Variants in CNST observed in about 807,000 individuals in gnomAD.
The protein encoded by CNST is consortin.
Under a neutral mutation model 72.4 loss-of-function variants are expected in CNST, and 39 were observed. The ratio of observed to expected loss-of-function variants is 0.54; its 90% CI spans 0.42 to 0.70. CNST has a LOEUF of 0.70. Ranked by LOEUF, CNST falls within the 30% of genes least tolerant of loss-of-function variation. The probability of loss-of-function intolerance (pLI) is 0.00; values close to 1 mark genes in which losing one functional copy is unlikely to be tolerated. For missense variants in CNST, 871 were observed against 868.5 expected, an observed-to-expected ratio of 1.00 and a Z score of -0.04; for synonymous variants, 332 against 320.1, an observed-to-expected ratio of 1.04 and a Z score of -0.40.
intron 9 of CNST, among the ~76,000 whole-genome samples, chr1:246,650,650 T>A (rs1295358341): frequency 6.6e-6 from 1 of 151,388 alleles, no homozygotes; most frequent in Non-Finnish European, 1.5e-5. Context: ...TCTTTTAGAT[T>A]TGAACATATA....
intron 5 of CNST, 24 bp from the exon 6 acceptor site, chr1:246,634,448 TG>T (rs1665006329): frequency 7.2e-7 from 1 of 1,390,830 alleles, no homozygotes; most frequent in Non-Finnish European, 9.9e-7. Flanking sequence ...TAAGAGCCAG[TG>T]ACTAACAAAT....
At chr1:246,605,394 G>A (rs1328259296) in intron 2 of CNST, among the ~76,000 whole-genome samples, 1 of 152,238 alleles carries the variant, frequency 6.6e-6, no homozygotes, top group African/African-American at 2.4e-5. Flanking sequence ...TGGGCCGGGC[G>A]CGGTGGCTCA....
intron 9 of CNST, among the ~76,000 whole-genome samples, chr1:246,650,158 T>C (rs1666370373): frequency 6.6e-6 from 1 of 152,180 alleles, no homozygotes; most frequent in Non-Finnish European, 1.5e-5. Flanking sequence ...GTTAAATTAA[T>C]GTTGCGTATT....
At chr1:246,652,994 ACT>A (rs1247490560) in intron 9 of CNST, among the ~76,000 whole-genome samples, 1 of 149,352 alleles carries the variant, frequency 6.7e-6, no homozygotes, top group African/African-American at 2.5e-5. Context: ...ACAGAGTGAG[ACT>A]CTGTCTCAAA....
chr1:246,628,188 T>C (rs1664562793), intron 3 of CNST, among the ~76,000 whole-genome samples: 1 of 151,924 alleles, frequency 6.6e-6, no homozygotes, highest in African/African-American at 2.4e-5. Context: ...TAAAAGGGGG[T>C]CTGCCTTCCC....
chr1:246,620,776 G>A (rs1289607475), intron 2 of CNST, among the ~76,000 whole-genome samples: 2 of 145,756 alleles, frequency 1.4e-5, no homozygotes, highest in Non-Finnish European at 3.0e-5. Context: ...GCATACACAC[G>A]ATGGGCTCTG....
chr1:246,592,929 T>C (rs1661643078), intron 2 of CNST, among the ~76,000 whole-genome samples: 1 of 152,208 alleles, frequency 6.6e-6, no homozygotes, highest in Non-Finnish European at 1.5e-5. Context: ...GTTATTTTTT[T>C]TATCAGAAAC....
intron 2 of CNST, among the ~76,000 whole-genome samples, chr1:246,601,303 CA>C (rs1293587585): frequency 2.0e-5 from 3 of 151,822 alleles, no homozygotes; most frequent in Non-Finnish European, 4.4e-5. Flanking sequence ...ACTCTTGTCT[CA>C]AAAAATTAAA....
At chr1:246,571,611 G>T (rs1660076464) in intron 1 of CNST, among the ~76,000 whole-genome samples, 3 of 152,190 alleles carry the variant, frequency 2.0e-5, no homozygotes, top group Admixed American at 1.3e-4. Context: ...TGAAAATACT[G>T]ACAAATCAAG....
At chr1:246,610,029 T>A (rs993802546) in intron 2 of CNST, among the ~76,000 whole-genome samples, 2 of 152,192 alleles carry the variant, frequency 1.3e-5, no homozygotes, top group Non-Finnish European at 2.9e-5. Flanking sequence ...AGGCCTGTAA[T>A]CCCAGCACTT....
intron 2 of CNST, among the ~76,000 whole-genome samples, chr1:246,613,665 CTCTCTACCTCTCCTCCTCTCT>C: frequency 1.2e-4 from 3 of 24,488 alleles, no homozygotes; most frequent in African/African-American, 3.7e-4. Context: ...CTCTCTCCTC[CTCTCTACCTCTCCTCCTCTCT>C]CCCTCTCTCC....
chr1:246,653,602 A>G (rs1252933377), intron 9 of CNST, among the ~76,000 whole-genome samples: 2 of 152,150 alleles, frequency 1.3e-5, no homozygotes, highest in African/African-American at 2.4e-5. Flanking sequence ...AAAACCCAGG[A>G]ATTACCTGTT....
chr1:246,638,194 C>CT (rs1665426104), intron 6 of CNST, among the ~76,000 whole-genome samples: 1 of 152,174 alleles, frequency 6.6e-6, no homozygotes, highest in Non-Finnish European at 1.5e-5. Context: ...AGCGCCCTTC[C>CT]TTGATGTACC....
chr1:246,619,775 A>G (rs1290289432), intron 2 of CNST, among the ~76,000 whole-genome samples: 4 of 152,280 alleles, frequency 2.6e-5, no homozygotes, highest in African/African-American at 9.6e-5. Flanking sequence ...TTCACATTCA[A>G]ATCCAAAGAT....
intron 9 of CNST, among the ~76,000 whole-genome samples, chr1:246,651,343 AG>A (rs1311417794): frequency 6.6e-6 from 1 of 151,916 alleles, no homozygotes; most frequent in African/African-American, 2.4e-5. Flanking sequence ...CTCCCCGCCC[AG>A]GTTCTCTTAC....
chr1:246,614,048 G>C (rs1353615762), intron 2 of CNST, among the ~76,000 whole-genome samples: 3 of 151,892 alleles, frequency 2.0e-5, no homozygotes, highest in Non-Finnish European at 4.4e-5. Flanking sequence ...CATCAGCTTA[G>C]TTTATGCATC....
chr1:246,665,591 A>T, intron 10 of CNST, 109 bp from the exon 11 acceptor site: 2 of 875,342 alleles, frequency 2.3e-6, no homozygotes, highest in South Asian at 3.2e-5. Context: ...TCCTATCCGT[A>T]GAGGACCAAC....
chr1:246,640,514 C>G (rs1665618685), intron 6 of CNST, among the ~76,000 whole-genome samples: 1 of 152,054 alleles, frequency 6.6e-6, no homozygotes, highest in Admixed American at 6.6e-5. Flanking sequence ...TTCAGAGATC[C>G]AGATTTCTGA....
chr1:246,644,014 C>G (rs962898689), intron 8 of CNST, among the ~76,000 whole-genome samples: 1 of 152,112 alleles, frequency 6.6e-6, no homozygotes, highest in African/African-American at 2.4e-5. Context: ...GGTTGTATTT[C>G]GTGGCATAGC....
Sources: gnomAD v4.1 joint callset for allele counts (sites outside exome capture counted in the v4.1 genomes callset) on GRCh38, gnomAD v4.1.1 for gene constraint, MANE v1.5 for transcripts, NCBI Gene and HGNC (gene_info 2026-07-23, HGNC 2026-07-21) for gene names.